The following MYH15 variants were observed in gnomAD, a reference collection of about 807,000 sequenced individuals.
MYH15 encodes the protein myosin-15.
In MYH15, 227 loss-of-function variants were observed where a neutral mutation model predicts 240.5. That is an observed-to-expected ratio of 0.94 (90% confidence interval 0.85 to 1.05). MYH15 has a LOEUF of 1.05. Among genes scored for constraint, MYH15 ranks in the 50% least tolerant of loss-of-function variants. The pLI is 0.00. For synonymous variants in MYH15, 785 were observed against 796.7 expected, an observed-to-expected ratio of 0.99 and a Z score of 0.25; for missense variants, 2,217 against 2,247.5, an observed-to-expected ratio of 0.99 and a Z score of 0.27.
chr3:108,512,851 GTAGGAAACAT>G (rs2083531770), upstream of MYH15, among the ~76,000 whole-genome samples: 1 of 152,066 alleles, frequency 6.6e-6, no homozygotes, highest in African/African-American at 2.4e-5. Flanking sequence ...GCACTGGAAA[GTAGGAAACAT>G]TAGGTGCCAG....
intron 25 of MYH15, among the ~76,000 whole-genome samples, chr3:108,431,575 C>T (rs1037971518): frequency 2.0e-5 from 3 of 152,160 alleles, no homozygotes; most frequent in Non-Finnish European, 4.4e-5. Context: ...AACCCTTTTT[C>T]CTGTATAAAT....
chr3:108,399,429 G>A (rs929382090), intron 33 of MYH15, among the ~76,000 whole-genome samples, 162 bp from the exon 34 acceptor site: 5 of 152,198 alleles, frequency 3.3e-5, no homozygotes, highest in African/African-American at 9.7e-5. Flanking sequence ...TTTAAAAACA[G>A]AGAGAATGAG....
At chr3:108,454,181 G>A (rs2083000033) in intron 20 of MYH15, 39 bp from the exon 21 acceptor site, 2 of 1,567,108 alleles carry the variant, frequency 1.3e-6, no homozygotes, top group Non-Finnish European at 1.7e-6. Flanking sequence ...CTGATAATGG[G>A]TATTCAGCAA....
At chr3:108,382,982 T>C (rs2082354225) in intron 40 of MYH15, among the ~76,000 whole-genome samples, 1 of 152,188 alleles carries the variant, frequency 6.6e-6, no homozygotes, top group South Asian at 2.1e-4. Flanking sequence ...TACATTGTTC[T>C]TTGTCACTCT....
intron 30 of MYH15, 98 bp downstream of exon 30, chr3:108,414,134 T>C: frequency 7.7e-7 from 1 of 1,300,352 alleles, no homozygotes. Context: ...GGCAAGGATT[T>C]GTTAAGTGCA....
At chr3:108,445,002 T>C in intron 21 of MYH15, 107 bp from the exon 22 acceptor site, 14 of 1,275,984 alleles carry the variant, frequency 1.1e-5, no homozygotes, top group Non-Finnish European at 1.5e-5. Context: ...TCATAAAAAA[T>C]TCTTATTAGT....
intron 3 of MYH15, among the ~76,000 whole-genome samples, chr3:108,500,721 T>C (rs1248869310): frequency 6.6e-6 from 1 of 152,236 alleles, no homozygotes; most frequent in Non-Finnish European, 1.5e-5. Flanking sequence ...TATATTTATG[T>C]CCTATTCTCC....
intron 1 of MYH15, among the ~76,000 whole-genome samples, chr3:108,507,070 A>G (rs925228012): frequency 6.6e-6 from 1 of 151,752 alleles, no homozygotes; most frequent in African/African-American, 2.4e-5. Context: ...ACCAGGTGTG[A>G]TGGTGCATGA....
intron 25 of MYH15, among the ~76,000 whole-genome samples, chr3:108,435,338 C>T (rs2082822207): frequency 6.6e-6 from 1 of 152,078 alleles, no homozygotes; most frequent in Admixed American, 6.6e-5. Context: ...ATGAGCTCTA[C>T]TCTCTTAAAT....
intron 6 of MYH15, among the ~76,000 whole-genome samples, chr3:108,496,639 A>G (rs1201274471): frequency 1.3e-5 from 2 of 152,144 alleles, no homozygotes; most frequent in Non-Finnish European, 2.9e-5. Context: ...GGATTTATAA[A>G]TATTATATCC....
intron 1 of MYH15, among the ~76,000 whole-genome samples, chr3:108,528,312 T>A (rs1465888015): frequency 6.6e-6 from 1 of 152,170 alleles, no homozygotes; most frequent in African/African-American, 2.4e-5. Context: ...CATATATAAG[T>A]AGAATTTGAT....
At chr3:108,443,863 ATTT>A (rs11328230) in intron 22 of MYH15, among the ~76,000 whole-genome samples, 32 of 144,664 alleles carry the variant, frequency 2.2e-4, no homozygotes, top group African/African-American at 8.1e-4. Context: ...AGGCATCTTT[ATTT>A]TTTTTTTTTT....
chr3:108,488,067 C>A (rs1486509448), intron 9 of MYH15, among the ~76,000 whole-genome samples: 1 of 147,682 alleles, frequency 6.8e-6, no homozygotes, highest in Non-Finnish European at 1.5e-5. Flanking sequence ...ATTTCACATA[C>A]TTTTTTTTTT....
chr3:108,491,270 G>A (rs1047485540), intron 9 of MYH15, among the ~76,000 whole-genome samples: 4 of 152,058 alleles, frequency 2.6e-5, no homozygotes, highest in Admixed American at 6.6e-5. Context: ...TGTCTACCTC[G>A]TTCACCACTG....
chr3:108,430,519 T>C (rs1238590178), intron 26 of MYH15, among the ~76,000 whole-genome samples: 2 of 152,230 alleles, frequency 1.3e-5, no homozygotes, highest in African/African-American at 4.8e-5. Context: ...TTGTTGCATT[T>C]AGTAATATGA....
chr3:108,509,625 T>C (rs562769937), intron 1 of MYH15, among the ~76,000 whole-genome samples: 1 of 152,220 alleles, frequency 6.6e-6, no homozygotes, highest in Non-Finnish European at 1.5e-5. Context: ...TAGAACGACA[T>C]TCAGCCAGTC....
At chr3:108,422,036 G>A (rs543272257) in intron 27 of MYH15, among the ~76,000 whole-genome samples, 3 of 152,120 alleles carry the variant, frequency 2.0e-5, no homozygotes, top group Admixed American at 6.5e-5. Context: ...ATCCTCAGAC[G>A]GGACTAAGAG....
In MYH15 at chr3:108,499,501, T is replaced by A; in HGVS notation, c.497-19A>T. 6.2e-7 allele frequency: 1 copy of A among 1,609,638 alleles called. No homozygotes were observed. Among genetic ancestry groups the A allele is most frequent in the Non-Finnish European group, 8.5e-7 (1 of 1,176,708 alleles). On this transcript the variant is annotated intron_variant, in intron 4 of 40. Coordinates refer to ENST00000693548, the MANE Select transcript of MYH15 (RefSeq NM_014981.3). ...TCTCGATCTACAAAAGAAAGAAAAA[T>A]GCCAGAATATTCTTATATTCGATAT... is the stretch of plus-strand genomic sequence containing the variant.
chr3:108,422,808 T>C (rs1472018737), intron 27 of MYH15, among the ~76,000 whole-genome samples: 1 of 152,176 alleles, frequency 6.6e-6, no homozygotes, highest in African/African-American at 2.4e-5. Context: ...TTAACCTAAT[T>C]GTTATGATAG....
Sources: allele counts gnomAD v4.1 joint callset (sites outside exome capture counted in the v4.1 genomes callset), GRCh38; gene constraint gnomAD v4.1.1; transcripts MANE v1.5; gene names NCBI Gene and HGNC (gene_info 2026-07-23, HGNC 2026-07-21).